Variants in NF1 observed in about 807,000 individuals in gnomAD.
NF1 encodes neurofibromin.
In NF1, 122 loss-of-function variants were observed where a neutral mutation model predicts 325.7. That is an observed-to-expected ratio of 0.37 (90% CI 0.32 to 0.44). The LOEUF is 0.44. Among genes scored for constraint, NF1 ranks in the 20% least tolerant of loss-of-function variants. The pLI is 1.00. For synonymous variants in NF1, 1,091 were observed against 1,186.0 expected (o/e 0.92, Z 1.65); for missense variants, 2,140 against 3,415.4 (o/e 0.63, Z 9.31).
rs1597724741 is a variant in NF1 at position 31,237,670 on chromosome 17, T to C, written c.3974+1649T>C. 4.0e-5 allele frequency among the ~76,000 whole-genome samples: 6 copies of C among 151,842 alleles called. No homozygotes were observed. The South Asian group carries it at 1.2e-3, about 32-fold the overall frequency. Reference sequence around the variant, plus strand: ...TCTCATGTCTACTTTTTTTTTTTTTTTTTGCAATTTTCAAGTGTACATAAT... The same window carrying C: ...TCTCATGTCTACTTTTTTTTTTTTTCTTTGCAATTTTCAAGTGTACATAAT... On this transcript the variant is annotated intron_variant, in intron 29 of 57. Coordinates refer to ENST00000358273, the MANE Select transcript of NF1 (RefSeq NM_001042492.3).
rs188013187 is a variant in NF1, at chr17:31,310,289, C to T, written c.4836-15531C>T. Among the ~76,000 whole-genome samples the T allele has an allele frequency of 1.8e-3, 267 of 150,490 alleles. 2 individuals are homozygous for T. Among genetic ancestry groups the T allele is most frequent in the Middle Eastern group, 6.9e-3 (2 of 290 alleles). ...AAAAAACAAAAACTCTAGGAAGCAGCGAACAGAAAAGAGGAAGGTCAATTG... is the reference window on the plus strand; with the variant it reads ...AAAAAACAAAAACTCTAGGAAGCAGTGAACAGAAAAGAGGAAGGTCAATTG... On this transcript the variant is annotated intron_variant, in intron 36 of 57. Coordinates refer to ENST00000358273, the MANE Select transcript of NF1 (RefSeq NM_001042492.3).
At chr17:31,248,778 C>A (rs1270794643) in intron 29 of NF1, among the ~76,000 whole-genome samples, 1 of 151,944 alleles carries the variant, frequency 6.6e-6, no homozygotes, top group Non-Finnish European at 1.5e-5. Context: ...CAGCCTTGGC[C>A]TCCCAAAGTA....
chr17:31,362,645 T>C (rs1173805026), intron 57 of NF1, among the ~76,000 whole-genome samples: 4 of 152,230 alleles, frequency 2.6e-5, no homozygotes, highest in African/African-American at 9.6e-5. Flanking sequence ...ATTTTCTGGG[T>C]TACTGAACAG....
chr17:31,159,789 C>G (rs1288982098), intron 3 of NF1, among the ~76,000 whole-genome samples: 1 of 152,122 alleles, frequency 6.6e-6, no homozygotes, highest in Non-Finnish European at 1.5e-5. Flanking sequence ...TTAAATACCT[C>G]TGTTTTAATG....
rs116916077 is a variant in NF1 at position 31,258,230 on chromosome 17, A to G, written c.4174-114A>G. The G allele has an allele frequency of 4.7e-5, 52 of 1,098,026 alleles. No homozygotes were observed. In the East Asian group the frequency reaches 1.1e-3, roughly 22 times the overall value. 68.0% of individuals were successfully genotyped at this position (1,098,026 alleles called of 1,614,324 possible). ...AGAAAAAAATAGAAATATGTCATTC[A>G]TGAGGACTGATTGATTCAGAGTTTT... On this transcript the variant is annotated intron_variant, in intron 31 of 57. Transcript: ENST00000358273.
At chr17:31,346,415 CAT>C (rs2069986843) in intron 48 of NF1, among the ~76,000 whole-genome samples, 1 of 150,020 alleles carries the variant, frequency 6.7e-6, no homozygotes, top group East Asian at 1.9e-4. Flanking sequence ...TGTCTCTGCA[CAT>C]GTCTCAAGCC....
intron 1 of NF1, among the ~76,000 whole-genome samples, chr17:31,143,886 G>C (rs1359001300): frequency 1.3e-5 from 2 of 151,848 alleles, no homozygotes; most frequent in Non-Finnish European, 1.5e-5. Context: ...CAGTGGCGCA[G>C]TCTCGGCTCA....
At chr17:31,166,764 G>T (rs1289098370) in intron 4 of NF1, among the ~76,000 whole-genome samples, 1 of 151,998 alleles carries the variant, frequency 6.6e-6, no homozygotes, top group Non-Finnish European at 1.5e-5. Context: ...GCCCAAGTTA[G>T]AATCCTGAAT....
chr17:31,104,177 T>A (rs1053161804), intron 1 of NF1, among the ~76,000 whole-genome samples: 1 of 152,220 alleles, frequency 6.6e-6, no homozygotes, highest in African/African-American at 2.4e-5. Flanking sequence ...GTTCTTTAAA[T>A]TACTCAGATT....
intron 4 of NF1, among the ~76,000 whole-genome samples, chr17:31,167,908 T>C (rs2065871252): frequency 6.6e-6 from 1 of 152,170 alleles, no homozygotes; most frequent in African/African-American, 2.4e-5. Flanking sequence ...GAAGTAGGGA[T>C]ATTAAGCAAA....
intron 12 of NF1, among the ~76,000 whole-genome samples, chr17:31,210,640 C>G (rs2143939677): frequency 6.6e-6 from 1 of 152,208 alleles, no homozygotes; most frequent in East Asian, 1.9e-4. Context: ...TGCTTCTCTT[C>G]TGGAAAGACC....
chr17:31,238,539 A>C (rs2067241413), intron 29 of NF1, among the ~76,000 whole-genome samples: 1 of 151,948 alleles, frequency 6.6e-6, no homozygotes, highest in Non-Finnish European at 1.5e-5. Context: ...TCGAGACCAT[A>C]CTGTCTAACA....
intron 1 of NF1, among the ~76,000 whole-genome samples, chr17:31,154,663 T>C (rs1277208017): frequency 6.6e-6 from 1 of 151,866 alleles, no homozygotes; most frequent in African/African-American, 2.4e-5. Context: ...AGTTCTGTAG[T>C]TTCTGTTCTG....
chr17:31,232,042 A>ATTTT, intron 24 of NF1, 31 bp from the exon 25 acceptor site: 1 of 1,025,606 alleles, frequency 9.8e-7, no homozygotes, highest in Admixed American at 2.6e-5. Flanking sequence ...ATGGTCTCTA[A>ATTTT]ATTTTTTTTT....
At chr17:31,356,864 T>G in intron 52 of NF1, 96 bp from the exon 53 acceptor site, 3 of 1,534,472 alleles carry the variant, frequency 2.0e-6, no homozygotes, top group Non-Finnish European at 2.7e-6. Context: ...AAGTATCTAC[T>G]AAAGAAAGCT....
chr17:31,126,739 G>A (rs113852223), intron 1 of NF1, among the ~76,000 whole-genome samples: 22 of 152,012 alleles, frequency 1.4e-4, no homozygotes, highest in African/African-American at 5.1e-4. Context: ...ACAGTGCCTA[G>A]CCTAGATCTA....
intron 54 of NF1, 53 bp from the exon 55 acceptor site, chr17:31,358,427 T>G: frequency 6.4e-7 from 1 of 1,553,984 alleles, no homozygotes; most frequent in Non-Finnish European, 8.8e-7. Context: ...ACTACATATT[T>G]TCATTTAATT....
chr17:31,310,677 A>G (rs563502593), intron 36 of NF1, among the ~76,000 whole-genome samples: 42 of 152,060 alleles, frequency 2.8e-4, no homozygotes, highest in African/African-American at 9.7e-4. Flanking sequence ...ATACCTAGCA[A>G]TTATTCCAAA....
chr17:31,247,622 G>A (rs1240881458), intron 29 of NF1, among the ~76,000 whole-genome samples: 2 of 152,176 alleles, frequency 1.3e-5, no homozygotes, highest in Admixed American at 6.5e-5. Context: ...GCAATATCTA[G>A]TAAAGTTATA....
Sources: allele counts gnomAD v4.1 joint callset (sites outside exome capture counted in the v4.1 genomes callset), GRCh38; gene constraint gnomAD v4.1.1; transcripts MANE v1.5; gene names NCBI Gene and HGNC (gene_info 2026-07-23, HGNC 2026-07-21).